The following TNK2 variants were observed in gnomAD, a reference collection of about 807,000 sequenced individuals.
The protein encoded by TNK2 is activated CDC42 kinase 1.
TNK2 carries 83 observed loss-of-function variants against 101.8 expected under a neutral mutation model. The observed-to-expected ratio is 0.82, with a 90% CI of 0.68 to 0.98. TNK2 has a LOEUF of 0.98. Ranked by LOEUF, TNK2 falls within the 50% of genes least tolerant of loss-of-function variation. The pLI is 0.00. For synonymous variants in TNK2, 804 were observed against 633.0 expected (o/e 1.27, Z -4.06); for missense variants, 1,665 against 1,483.2 (o/e 1.12, Z -2.01).
intron 1 of TNK2, among the ~76,000 whole-genome samples, chr3:195,892,259 G>A (rs374068987): frequency 3.3e-5 from 5 of 152,182 alleles, no homozygotes; most frequent in Admixed American, 1.3e-4. Flanking sequence ...TGCAGCAGCC[G>A]CAGGAGAGGC....
chr3:195,868,496 G>C lies in TNK2; in HGVS notation c.1802C>G (p.Ala601Gly). The change falls in exon 13 of 16, where the codon GCG becomes GGG. Residue 601 changes from alanine to glycine, a missense_variant. Ala to Gly is a moderately conservative substitution (Grantham distance 60, BLOSUM62 0). Around this residue, in one of 3 missense-constraint regions of TNK2, gnomAD observed 1,136 missense variants for 894.9 expected, o/e 1.27. Transcript: ENST00000672887. ...EPVVPALRPC[A>G]PSLAQLAMDA... Reference sequence around the variant, plus strand: ...CATGGCCAGCTGCGCCAGGGAGGGCGCGCAGGGCCGTAGGGCCGGGACCAC... The same window carrying C: ...CATGGCCAGCTGCGCCAGGGAGGGCCCGCAGGGCCGTAGGGCCGGGACCAC... The C allele has an allele frequency of 6.4e-7, 1 of 1,550,538 alleles. No homozygotes were observed. The highest frequency in any genetic ancestry group is 8.6e-7 in the Non-Finnish European group (1 of 1,158,840).
intron 6 of TNK2, chr3:195,879,421 T>C: frequency 2.4e-6 from 1 of 425,530 alleles, no homozygotes; most frequent in South Asian, 3.4e-5. Context: ...GGAAAGGAAG[T>C]TTCCCAGCCA....
intron 1 of TNK2, chr3:195,895,423 G>C (rs763340197): frequency 6.6e-7 from 1 of 1,512,382 alleles, no homozygotes; most frequent in African/African-American, 1.4e-5. Context: ...GCATCCTCCA[G>C]AAGTGCAGGG....
intron 11 of TNK2, 66 bp from the exon 12 acceptor site, chr3:195,869,607 C>G: frequency 6.7e-7 from 1 of 1,486,664 alleles, no homozygotes. Context: ...AGGAGGGAGA[C>G]GGCCGGACGA....
intron 15 of TNK2, among the ~76,000 whole-genome samples, chr3:195,864,729 TGACA>T (rs1354390348): frequency 9.6e-4 from 113 of 118,098 alleles, no homozygotes; most frequent in Admixed American, 1.9e-3. Flanking sequence ...CCCGAGACAG[TGACA>T]GACAGGTGAC....
At chr3:195,871,480 G>A (rs1361502772) in intron 10 of TNK2, among the ~76,000 whole-genome samples, 2 of 152,084 alleles carry the variant, frequency 1.3e-5, no homozygotes, top group African/African-American at 2.4e-5. Flanking sequence ...CCAGGACTCT[G>A]GCACCACCAG....
chr3:195,905,028 T>G (rs1304729298), intron 1 of TNK2, among the ~76,000 whole-genome samples: 1 of 152,170 alleles, frequency 6.6e-6, no homozygotes, highest in Non-Finnish European at 1.5e-5. Context: ...CCAGAATAGC[T>G]AAAGCAATTT....
intron 1 of TNK2, among the ~76,000 whole-genome samples, chr3:195,889,802 G>A (rs9829709): frequency 0.6 from 90,574 of 152,076 alleles, 28,706 homozygotes; most frequent in African/African-American, 0.83. Context: ...TGCGTAAGGT[G>A]TGTCAGAGCT....
Position 195,890,596 on chromosome 3 carries a change from G to A in TNK2, c.-18-1990C>T, listed in dbSNP as rs139696100. ...CTCCCAAGAAGCTGGGATCACAGGCGCCCGGCTAATTTTTGTATTTTTAGT... is the reference window on the plus strand; with the variant it reads ...CTCCCAAGAAGCTGGGATCACAGGCACCCGGCTAATTTTTGTATTTTTAGT... On this transcript the variant is annotated intron_variant, in intron 1 of 15. Transcript: ENST00000672887. Among the ~76,000 whole-genome samples, 633 of 151,758 alleles carry A rather than the reference G, an allele frequency of 4.2e-3. 5 individuals carry two copies. The highest frequency in any genetic ancestry group is 0.015 in the African/African-American group (602 of 41,388).
chr3:195,887,884 G>A (rs1004442607), intron 2 of TNK2, among the ~76,000 whole-genome samples: 27 of 146,494 alleles, frequency 1.8e-4, no homozygotes, highest in African/African-American at 6.5e-4. Context: ...GAGCGCGTGC[G>A]TACGCACGTG....
chr3:195,869,749 G>A (rs953778865), intron 11 of TNK2: 35 of 615,490 alleles, frequency 5.7e-5, no homozygotes, highest in South Asian at 1.6e-4. Flanking sequence ...GCAGAGGACC[G>A]GGAGATGGAG....
chr3:195,900,408 G>A (rs1302105888), intron 1 of TNK2, among the ~76,000 whole-genome samples: 3 of 152,182 alleles, frequency 2.0e-5, no homozygotes, highest in South Asian at 2.1e-4. Context: ...ACTAAACAGC[G>A]TGACCCAGTC....
chr3:195,892,403 C>CAA (rs1356368726), intron 1 of TNK2: 1 of 1,529,048 alleles, frequency 6.5e-7, no homozygotes, highest in Admixed American at 2.0e-5. Context: ...CCCCTGCCCC[C>CAA]CACTCACTGT....
chr3:195,868,072 G>T lies in TNK2; in HGVS notation c.2226C>A (p.Pro742=), dbSNP rs749712285. The T allele has an allele frequency of 1.1e-5, 17 of 1,607,524 alleles. No homozygotes were observed. The South Asian group carries it at 1.9e-4, about 18-fold the overall frequency. ...TGTCGTCACCCCCCGGGCTGGGAGA[G>T]GGGGCCGGGGAGCCGGCCGGAGCCT... The part of the protein sequence containing the change: ...QLQAPAGSPA[P]SPSPGGDDKP... Residue 742 remains proline (P), a synonymous_variant, in exon 13 of 16, where the codon CCC becomes CCA. Transcript: ENST00000672887.
intron 10 of TNK2, among the ~76,000 whole-genome samples, chr3:195,872,017 AGAACCCTCCCCTGG>A (rs1745777648): frequency 7.1e-6 from 1 of 140,744 alleles, no homozygotes; most frequent in East Asian, 2.0e-4. Flanking sequence ...ATTCCCCTGG[AGAACCCTCCCCTGG>A]AGAACCCTCC....
rs368985292 is a variant in TNK2 at position 195,875,973 on chromosome 3, G to A, written c.1256+2280C>T. On this transcript the variant is annotated intron_variant, in intron 9 of 15. Coordinates refer to ENST00000672887, the MANE Select transcript of TNK2 (RefSeq NM_001382273.1). Reference sequence around the variant, plus strand: ...TGGCTCAACTAATGCCGGACATTCTGTTCAAAACGCCCGCCCGCTCTTCTC... The same window carrying A: ...TGGCTCAACTAATGCCGGACATTCTATTCAAAACGCCCGCCCGCTCTTCTC... Among the ~76,000 whole-genome samples, 12 of 152,280 alleles carry A rather than the reference G, an allele frequency of 7.9e-5. No individual in the cohort carries two copies. The East Asian group carries it at 1.7e-3, about 22-fold the overall frequency.
chr3:195,887,051 C>A lies in TNK2; in HGVS notation c.164-4G>T. The A allele has an allele frequency of 6.2e-7, 1 of 1,613,790 alleles. No homozygotes were observed. On this transcript the variant is annotated splice_region_variant and splice_polypyrimidine_tract_variant and intron_variant, in intron 2 of 15. Coordinates refer to ENST00000672887, the MANE Select transcript of TNK2 (RefSeq NM_001382273.1). Reference sequence around the variant, plus strand: ...GCCTCCCACAGCCGCCGCTGGCCTGCAGGGAGAGCGGGGAACCGCGTGCTG... The same window carrying A: ...GCCTCCCACAGCCGCCGCTGGCCTGAAGGGAGAGCGGGGAACCGCGTGCTG...
chr3:195,880,299 G>T (rs896407029), intron 6 of TNK2, among the ~76,000 whole-genome samples: 1 of 152,094 alleles, frequency 6.6e-6, no homozygotes, highest in Non-Finnish European at 1.5e-5. Context: ...CCTAGAACAT[G>T]CTTACCAACG....
intron 9 of TNK2, 75 bp from the exon 10 acceptor site, chr3:195,872,545 T>C (rs536131185): frequency 3.2e-4 from 455 of 1,430,776 alleles, no homozygotes; most frequent in Middle Eastern, 2.6e-3. Context: ...CCTCACACCC[T>C]GGCCACTGTG....
Sources: allele counts gnomAD v4.1 joint callset (sites outside exome capture counted in the v4.1 genomes callset), GRCh38; gene constraint gnomAD v4.1.1; regional missense constraint gnomAD v4.1.1; transcripts MANE v1.5; gene names NCBI Gene and HGNC (gene_info 2026-07-23, HGNC 2026-07-21).